ENOX1: variants seen among roughly 807,000 people sequenced by gnomAD.
ENOX1 encodes the protein candidate growth-related and time keeping constitutive hydroquinone (NADH) oxidase.
A neutral mutation model predicts 82.5 loss-of-function variants in ENOX1; 42 were observed. The ratio of observed to expected loss-of-function variants is 0.51; its 90% CI spans 0.40 to 0.66. ENOX1 has a LOEUF of 0.66. Ranked by LOEUF, ENOX1 falls within the 30% of genes least tolerant of loss-of-function variation. The pLI is 0.00. For synonymous variants in ENOX1, 271 were observed against 282.2 expected (o/e 0.96, Z 0.40); for missense variants, 608 against 811.6 (o/e 0.75, Z 3.05).
At chr13:43,474,672 C>T (rs2153650769) in intron 3 of ENOX1, among the ~76,000 whole-genome samples, 1 of 152,226 alleles carries the variant, frequency 6.6e-6, no homozygotes, top group South Asian at 2.1e-4. Flanking sequence ...CTTCTTTATT[C>T]TATTTCAAAG....
chr13:43,492,628 G>A (rs1482309916), intron 2 of ENOX1, among the ~76,000 whole-genome samples: 1 of 152,130 alleles, frequency 6.6e-6, no homozygotes, highest in Non-Finnish European at 1.5e-5. Context: ...TTTTGTCATT[G>A]CAAACCGGTC....
chr13:43,563,263 A>T (rs951441029), intron 2 of ENOX1, among the ~76,000 whole-genome samples: 15 of 152,190 alleles, frequency 9.9e-5, no homozygotes, highest in Non-Finnish European at 1.8e-4. Context: ...AACACATGGA[A>T]ATTAAATTAT....
chr13:43,452,165 A>G (rs1041956923), intron 3 of ENOX1, among the ~76,000 whole-genome samples: 12 of 152,184 alleles, frequency 7.9e-5, no homozygotes, highest in Non-Finnish European at 1.2e-4. Flanking sequence ...GTACATGTGC[A>G]GAATGTGCAG....
intron 15 of ENOX1, among the ~76,000 whole-genome samples, chr13:43,228,095 C>CTT (rs551861545): frequency 0.072 from 6,136 of 84,676 alleles, 548 homozygotes; most frequent in East Asian, 0.15. Context: ...CTCTTTGCAG[C>CTT]TTTTTTTTTT....
chr13:43,418,144 G>C (rs1233609219), intron 3 of ENOX1, among the ~76,000 whole-genome samples: 1 of 151,502 alleles, frequency 6.6e-6, no homozygotes, highest in Non-Finnish European at 1.5e-5. Flanking sequence ...GGGAGGCAGA[G>C]GTTGTAGAGC....
chr13:43,724,595 A>G (rs1566834217), intron 1 of ENOX1, among the ~76,000 whole-genome samples: 1 of 152,192 alleles, frequency 6.6e-6, no homozygotes, highest in African/African-American at 2.4e-5. Context: ...AACAATTAAC[A>G]CCGAATCCAT....
chr13:43,676,615 T>C (rs190262687), intron 1 of ENOX1, among the ~76,000 whole-genome samples: 69 of 152,242 alleles, frequency 4.5e-4, no homozygotes, highest in Admixed American at 7.2e-4. Context: ...TGCTTTTCTC[T>C]AATAATATTT....
intron 14 of ENOX1, among the ~76,000 whole-genome samples, chr13:43,253,514 T>C (rs532221429): frequency 1.6e-4 from 25 of 152,300 alleles, no homozygotes; most frequent in African/African-American, 5.5e-4. Context: ...AAGACCAATG[T>C]CAAAGATGGA....
intron 5 of ENOX1, among the ~76,000 whole-genome samples, chr13:43,386,434 G>A (rs1048115908): frequency 2.0e-5 from 3 of 152,140 alleles, no homozygotes; most frequent in African/African-American, 7.2e-5. Flanking sequence ...GTCTAGTTCA[G>A]CCTGGGAACA....
chr13:43,306,591 CCTAA>C (rs2046878673), intron 11 of ENOX1, among the ~76,000 whole-genome samples: 1 of 152,152 alleles, frequency 6.6e-6, no homozygotes, highest in African/African-American at 2.4e-5. Context: ...GTGACTTCAT[CCTAA>C]CTGACAGTAG....
chr13:43,687,010 T>C (rs2086111647), intron 1 of ENOX1, among the ~76,000 whole-genome samples: 1 of 152,202 alleles, frequency 6.6e-6, no homozygotes, highest in East Asian at 1.9e-4. Context: ...TATATATACA[T>C]TTCCATTTTC....
intron 5 of ENOX1, among the ~76,000 whole-genome samples, chr13:43,387,997 T>C (rs758679597): frequency 4.6e-5 from 7 of 152,156 alleles, no homozygotes; most frequent in Non-Finnish European, 8.8e-5. Context: ...TTTCCCCAGC[T>C]GGAGAAGCTC....
intron 8 of ENOX1, among the ~76,000 whole-genome samples, chr13:43,348,672 C>T (rs1272732591): frequency 6.6e-5 from 10 of 152,192 alleles, no homozygotes; most frequent in Admixed American, 5.2e-4. Flanking sequence ...TACACTACCT[C>T]CCTGTGAATC....
chr13:43,664,508 C>T (rs2084883283), intron 2 of ENOX1, among the ~76,000 whole-genome samples: 1 of 152,206 alleles, frequency 6.6e-6, no homozygotes, highest in Admixed American at 6.5e-5. Flanking sequence ...AGCTGAATTA[C>T]TAGAATATAA....
At chr13:43,415,209 T>C (rs567650686) in intron 3 of ENOX1, among the ~76,000 whole-genome samples, 2 of 148,794 alleles carry the variant, frequency 1.3e-5, no homozygotes, top group Admixed American at 6.7e-5. Flanking sequence ...ATGTATTACA[T>C]CTCTTCAGTC....
rs367896054 is a variant in ENOX1 at position 43,562,082 on chromosome 13, C to A, written c.-218-77930G>T. 4.6e-5 allele frequency among the ~76,000 whole-genome samples: 7 copies of A among 151,900 alleles called. No individual in the cohort carries two copies. In the East Asian group the frequency reaches 1.4e-3, roughly 29 times the overall value. On this transcript the variant is annotated intron_variant, in intron 2 of 16. Coordinates refer to ENST00000690772, the MANE Select transcript of ENOX1 (RefSeq NM_001347969.2). ...GGGAGCAACATGGCCAAATAGAAGC[C>A]TCCACCACTCATCTTCCTCATAGGA... is the stretch of plus-strand genomic sequence containing the variant.
rs773963086 is a variant in ENOX1 at position 43,298,333 on chromosome 13, C to A, written c.1446+13G>T. On this transcript the variant is annotated intron_variant, in intron 12 of 16. Transcript: ENST00000690772. ...TTTCTCTCAAAAAAAAAAAAAAAAT[C>A]TGGGCCAGGTACCTGCTGCATGCCT... is the stretch of plus-strand genomic sequence containing the variant. 6 of 1,418,104 alleles carry A rather than the reference C, an allele frequency of 4.2e-6. No homozygotes were observed. The highest frequency in any genetic ancestry group is 1.5e-5 in the African/African-American group (1 of 64,852). 87.8% of individuals were successfully genotyped at this position (1,418,104 alleles called of 1,614,324 possible). A position where few individuals can be genotyped will look rare whatever the true frequency, so the allele number is the denominator to read the frequency against.
chr13:43,699,477 T>C (rs2086804788), intron 1 of ENOX1, among the ~76,000 whole-genome samples: 1 of 152,216 alleles, frequency 6.6e-6, no homozygotes, highest in Non-Finnish European at 1.5e-5. Flanking sequence ...CTCAGGCTTT[T>C]TGAATGAGCT....
At chr13:43,227,543 C>A (rs1441975089) in intron 15 of ENOX1, among the ~76,000 whole-genome samples, 1 of 152,152 alleles carries the variant, frequency 6.6e-6, no homozygotes, top group Non-Finnish European at 1.5e-5. Context: ...AGATATTATT[C>A]ACTGAAAATT....
Sources: allele counts gnomAD v4.1 joint callset (sites outside exome capture counted in the v4.1 genomes callset), GRCh38; gene constraint gnomAD v4.1.1; transcripts MANE v1.5; gene names NCBI Gene and HGNC (gene_info 2026-07-23, HGNC 2026-07-21).